The following NOX4 variants were observed in gnomAD, a reference collection of about 807,000 sequenced individuals.
NOX4 encodes the protein NADPH oxidase 4.
Under a neutral mutation model 87.6 loss-of-function variants are expected in NOX4, and 69 were observed. The ratio of observed to expected loss-of-function variants is 0.79; its 90% CI spans 0.65 to 0.96. The LOEUF (loss-of-function observed/expected upper bound fraction) is 0.96, where lower values mean the gene tolerates loss of function less well. NOX4 is among the 40% of genes least tolerant of loss of function. NOX4 has a pLI of 0.00. For missense variants in NOX4, 680 were observed against 681.5 expected (o/e 1.00, Z 0.02); for synonymous variants, 275 against 238.2 (o/e 1.15, Z -1.42).
At chr11:89,433,934 T>G (rs1055297252) in intron 6 of NOX4, among the ~76,000 whole-genome samples, 1 of 152,050 alleles carries the variant, frequency 6.6e-6, no homozygotes, top group Non-Finnish European at 1.5e-5. Flanking sequence ...ATTACAAAAT[T>G]AAATATCCTG....
At chr11:89,525,967 TTC>T in the NOX4 span, among the ~76,000 whole-genome samples, 1 of 152,146 alleles carries the variant, frequency 6.6e-6, no homozygotes, top group African/African-American at 2.4e-5. Context: ...GTTGAAAAGA[TTC>T]TCTTTCTCCA....
the NOX4 span, among the ~76,000 whole-genome samples, chr11:89,526,133 T>C: frequency 4.6e-5 from 7 of 152,348 alleles, no homozygotes; most frequent in South Asian, 4.1e-4. Flanking sequence ...TTGTATAAGT[T>C]CTGCAGCTTT....
chr11:89,371,561 C>T (rs4002245), intron 12 of NOX4, among the ~76,000 whole-genome samples: 5 of 151,770 alleles, frequency 3.3e-5, no homozygotes, highest in African/African-American at 7.2e-5. Flanking sequence ...GTTTTCATTG[C>T]ATGTTTTCTT....
chr11:89,348,590 G>A (rs1043639035), intron 13 of NOX4, among the ~76,000 whole-genome samples: 5 of 152,072 alleles, frequency 3.3e-5, no homozygotes, highest in African/African-American at 4.8e-5. Context: ...GCACTACAGC[G>A]TGGGTGACAG....
intron 7 of NOX4, among the ~76,000 whole-genome samples, chr11:89,432,494 C>CA (rs1245436561): frequency 2.0e-5 from 3 of 152,034 alleles, no homozygotes; most frequent in African/African-American, 7.2e-5. Context: ...TCCCGTGTCC[C>CA]ATAGAGATAC....
chr11:89,391,491 C>A (rs1425836600), intron 11 of NOX4, among the ~76,000 whole-genome samples: 3 of 152,080 alleles, frequency 2.0e-5, no homozygotes, highest in Non-Finnish European at 4.4e-5. Flanking sequence ...TGGGGTGGCT[C>A]ATGCCTGTAA....
the NOX4 span, among the ~76,000 whole-genome samples, chr11:89,587,483 A>C: frequency 7.6e-6 from 1 of 132,350 alleles, no homozygotes; most frequent in Admixed American, 7.3e-5. Flanking sequence ...GGAGAGGGAA[A>C]GGATTGCGTT....
rs538696715 is a variant in NOX4 at position 89,371,351 on chromosome 11, C to T, written c.1135+2081G>A. On this transcript the variant is annotated intron_variant, in intron 12 of 17. Transcript: ENST00000263317. ...AACTCTGAATAGAATGATCTTGTTTCTCTCAGTGACATAATACATTAAAAA... is the reference window on the plus strand; with the variant it reads ...AACTCTGAATAGAATGATCTTGTTTTTCTCAGTGACATAATACATTAAAAA... 1.2e-4 allele frequency among the ~76,000 whole-genome samples: 18 copies of T among 152,016 alleles called. No homozygotes were observed. In the South Asian group the frequency reaches 3.5e-3, roughly 30 times the overall value.
At chr11:89,456,017 G>A (rs1360594244) in intron 2 of NOX4, among the ~76,000 whole-genome samples, 1 of 152,056 alleles carries the variant, frequency 6.6e-6, no homozygotes, top group East Asian at 1.9e-4. Flanking sequence ...AGCACAATAA[G>A]GCAACTATAG....
chr11:89,374,967 TC>T, intron 11 of NOX4, among the ~76,000 whole-genome samples: 1 of 152,094 alleles, frequency 6.6e-6, no homozygotes. Context: ...AAGTACCATA[TC>T]TTATGTTAAC....
chr11:89,543,413 T>C, the NOX4 span, among the ~76,000 whole-genome samples: 2 of 152,142 alleles, frequency 1.3e-5, no homozygotes, highest in African/African-American at 2.4e-5. Flanking sequence ...AAACAACATG[T>C]TGATTATATT....
At chr11:89,488,923 C>T in intron 2 of NOX4, 2 of 678,250 alleles carry the variant, frequency 2.9e-6, no homozygotes, top group South Asian at 1.6e-5. Flanking sequence ...ATATTGTAAG[C>T]AACTTGAGGG....
At chr11:89,491,408 G>C (rs1385656657), upstream of NOX4, 1 of 637,754 alleles carries the variant, frequency 1.6e-6, no homozygotes, top group South Asian at 2.2e-5. Context: ...GAGCCAGCCC[G>C]GGCGGGGTCT....
chr11:89,434,576 C>G (rs959339834), intron 6 of NOX4, among the ~76,000 whole-genome samples: 1 of 151,914 alleles, frequency 6.6e-6, no homozygotes, highest in Non-Finnish European at 1.5e-5. Flanking sequence ...AATAGCATGC[C>G]TGCAAAGTAA....
intron 11 of NOX4, among the ~76,000 whole-genome samples, chr11:89,390,468 A>G (rs1164164794): frequency 1.3e-5 from 2 of 152,198 alleles, no homozygotes; most frequent in Non-Finnish European, 2.9e-5. Flanking sequence ...TCTATGAGAT[A>G]GAGTGGTTTT....
chr11:89,555,233 T>C, the NOX4 span, among the ~76,000 whole-genome samples: 1 of 152,012 alleles, frequency 6.6e-6, no homozygotes, highest in Admixed American at 6.6e-5. Context: ...TTGTAAATCC[T>C]AACACTTTGG....
chr11:89,570,922 T>C, the NOX4 span, among the ~76,000 whole-genome samples: 2 of 152,370 alleles, frequency 1.3e-5, no homozygotes, highest in Non-Finnish European at 1.5e-5. Flanking sequence ...TTAATCTCTA[T>C]CTTGACCTCC....
At chr11:89,460,082 T>C (rs529542645) in intron 2 of NOX4, among the ~76,000 whole-genome samples, 1 of 152,302 alleles carries the variant, frequency 6.6e-6, no homozygotes, top group Admixed American at 6.5e-5. Context: ...ATTTAATAAA[T>C]GGTGTTGGGA....
intron 7 of NOX4, among the ~76,000 whole-genome samples, chr11:89,423,934 G>T (rs1232908552): frequency 6.6e-6 from 1 of 151,992 alleles, no homozygotes; most frequent in African/African-American, 2.4e-5. Context: ...AGGCATGGTG[G>T]TGTGTGTTCG....
Sources: allele counts gnomAD v4.1 joint callset (sites outside exome capture counted in the v4.1 genomes callset), GRCh38; gene constraint gnomAD v4.1.1; transcripts MANE v1.5; gene names NCBI Gene and HGNC (gene_info 2026-07-23, HGNC 2026-07-21).